PTPRK: variants seen among roughly 807,000 people sequenced by gnomAD.
The protein encoded by PTPRK is protein tyrosine phosphatase receptor type K.
Under a neutral mutation model 178.0 loss-of-function variants are expected in PTPRK, and 75 were observed. That is an observed-to-expected ratio of 0.42 (90% CI 0.35 to 0.51). The LOEUF (loss-of-function observed/expected upper bound fraction) is 0.51. Among genes scored for constraint, PTPRK ranks in the 20% least tolerant of loss-of-function variants. The pLI, the probability that PTPRK is intolerant of heterozygous loss-of-function variation, is 0.02. For missense variants in PTPRK, 1,441 were observed against 1,797.8 expected, an observed-to-expected ratio of 0.80 and a Z score of 3.59; for synonymous variants, 637 against 620.6, an observed-to-expected ratio of 1.03 and a Z score of -0.39.
chr6:128,491,759 C>T, intron 1 of PTPRK: 1 of 518,198 alleles, frequency 1.9e-6, no homozygotes. Context: ...ATGATCCTGG[C>T]CAGGGTTCTG....
rs1244431323 is a variant in PTPRK, at chr6:128,226,796, A to ATATATATATG, written c.694-7701_694-7700insCATATATATA. On this transcript the variant is annotated intron_variant, in intron 5 of 29. Coordinates refer to ENST00000368226, the MANE Select transcript of PTPRK (RefSeq NM_002844.4). ...TATATATATATATATATATATATAT[A>ATATATATATG]TATTTCAATAAAATCATATCTATCT... Among the ~76,000 whole-genome samples, 84 of 128,782 alleles carry ATATATATATG rather than the reference A, an allele frequency of 6.5e-4. 1 individual carries two copies. The highest frequency in any genetic ancestry group is 2.3e-3 in the African/African-American group (81 of 35,942). 84.5% of individuals were successfully genotyped at this position (128,782 alleles called of 152,430 possible). A position where few individuals can be genotyped will look rare whatever the true frequency, so the allele number is the denominator to read the frequency against.
intron 1 of PTPRK, among the ~76,000 whole-genome samples, chr6:128,446,738 T>C (rs1333479223): frequency 6.6e-6 from 1 of 152,186 alleles, no homozygotes; most frequent in Non-Finnish European, 1.5e-5. Flanking sequence ...TCAAGCACTC[T>C]GGGCTACCGC....
At chr6:128,033,943 T>C (rs1414125986) in intron 13 of PTPRK, among the ~76,000 whole-genome samples, 2 of 152,154 alleles carry the variant, frequency 1.3e-5, no homozygotes, top group African/African-American at 4.8e-5. Context: ...TGGGTTTGAT[T>C]AGAGTCCTCT....
intron 7 of PTPRK, 21 bp from the exon 8 acceptor site, chr6:128,090,013 G>C: frequency 6.5e-7 from 1 of 1,534,690 alleles, no homozygotes; most frequent in Non-Finnish European, 9.0e-7. Context: ...AATCAGAGTT[G>C]TAGACAGCTG....
chr6:128,428,242 C>A lies in PTPRK; in HGVS notation c.101-30554G>T, dbSNP rs1051665964. 2.0e-5 allele frequency among the ~76,000 whole-genome samples: 3 copies of A among 152,208 alleles called. No homozygotes were observed. In the East Asian group the frequency reaches 5.8e-4, roughly 29 times the overall value. On this transcript the variant is annotated intron_variant, in intron 1 of 29. Transcript: ENST00000368226. ...ACTCAGCGATAAGACCGAGTCCATT[C>A]TTCAACTGAAGAATTAGCTGCTCAG...
intron 3 of PTPRK, among the ~76,000 whole-genome samples, chr6:128,258,524 T>G (rs1817687586): frequency 6.6e-6 from 1 of 152,218 alleles, no homozygotes; most frequent in Non-Finnish European, 1.5e-5. Context: ...ACTTTTTTCA[T>G]TGTATATGTA....
chr6:128,280,853 T>C (rs1583874880), intron 3 of PTPRK, among the ~76,000 whole-genome samples: 1 of 152,320 alleles, frequency 6.6e-6, no homozygotes, highest in African/African-American at 2.4e-5. Context: ...TTAATTGTAG[T>C]TATGTTAGAT....
At chr6:128,322,685 T>TATATATATATAC (rs1397530546) in intron 2 of PTPRK, among the ~76,000 whole-genome samples, 1 of 151,302 alleles carries the variant, frequency 6.6e-6, no homozygotes. Context: ...TATATATGTA[T>TATATATATATAC]ACACACATAC....
At chr6:128,203,465 A>G (rs866628589) in intron 6 of PTPRK, among the ~76,000 whole-genome samples, 8 of 152,234 alleles carry the variant, frequency 5.3e-5, no homozygotes, top group South Asian at 2.1e-4. Flanking sequence ...GAGTATTTGA[A>G]TAGGAAGAGA....
chr6:128,309,126 G>T (rs992132103), intron 3 of PTPRK, among the ~76,000 whole-genome samples: 2 of 152,090 alleles, frequency 1.3e-5, no homozygotes, highest in African/African-American at 4.8e-5. Context: ...TTAATTCAAA[G>T]ATTTAATATT....
intron 3 of PTPRK, among the ~76,000 whole-genome samples, chr6:128,302,391 CAAAAAAAAAAAA>C (rs534525238): frequency 1.3e-4 from 4 of 30,914 alleles, no homozygotes; most frequent in Admixed American, 4.5e-4. Context: ...GACTCAATTC[CAAAAAAAAAAAA>C]AAAAAAAAAA....
chr6:128,469,232 G>C (rs973302536), intron 1 of PTPRK, among the ~76,000 whole-genome samples: 1 of 152,160 alleles, frequency 6.6e-6, no homozygotes, highest in Non-Finnish European at 1.5e-5. Flanking sequence ...AGAAACAAAA[G>C]GTTAGCTTGT....
chr6:128,074,119 T>A (rs1783335799), intron 11 of PTPRK, among the ~76,000 whole-genome samples: 1 of 152,022 alleles, frequency 6.6e-6, no homozygotes, highest in Admixed American at 6.6e-5. Flanking sequence ...TGGTTTTGAC[T>A]TTATTTCATG....
At chr6:128,001,120 T>C (rs1777783509) in intron 15 of PTPRK, 1 of 1,202,682 alleles carries the variant, frequency 8.3e-7, no homozygotes, top group South Asian at 1.4e-5. Context: ...ATTATCCTTA[T>C]TATACATTTA....
At chr6:128,027,411 C>A (rs1408766862) in intron 13 of PTPRK, among the ~76,000 whole-genome samples, 2 of 151,974 alleles carry the variant, frequency 1.3e-5, no homozygotes, top group African/African-American at 4.8e-5. Flanking sequence ...TAAAACAGTA[C>A]CCACATTCAA....
intron 1 of PTPRK, among the ~76,000 whole-genome samples, chr6:128,450,537 G>A (rs148942410): frequency 3.3e-5 from 5 of 152,236 alleles, no homozygotes; most frequent in East Asian, 1.9e-4. Context: ...GTGTTTCTCA[G>A]GGCCCTCCTG....
intron 5 of PTPRK, among the ~76,000 whole-genome samples, chr6:128,228,910 A>G (rs369812942): frequency 6.6e-6 from 1 of 152,170 alleles, no homozygotes; most frequent in Non-Finnish European, 1.5e-5. Context: ...AAAGAAAATG[A>G]AGTAACATTA....
At chr6:128,025,578 C>T (rs1176556303) in intron 13 of PTPRK, among the ~76,000 whole-genome samples, 2 of 152,228 alleles carry the variant, frequency 1.3e-5, no homozygotes, top group African/African-American at 4.8e-5. Context: ...CTGCCACACA[C>T]TTGATGGCTA....
intron 13 of PTPRK, among the ~76,000 whole-genome samples, chr6:128,031,714 G>A (rs774809283): frequency 1.7e-4 from 26 of 152,102 alleles, no homozygotes; most frequent in Admixed American, 4.6e-4. Context: ...AAACTGCTTG[G>A]GCTGGGCTTT....
Sources: allele counts gnomAD v4.1 joint callset (sites outside exome capture counted in the v4.1 genomes callset), GRCh38; gene constraint gnomAD v4.1.1; transcripts MANE v1.5; gene names NCBI Gene and HGNC (gene_info 2026-07-23, HGNC 2026-07-21).